The following SYNPR variants were observed in gnomAD, a reference collection of about 807,000 sequenced individuals.
The protein encoded by SYNPR is synaptoporin.
Under a neutral mutation model 32.9 loss-of-function variants are expected in SYNPR, and 23 were observed. The observed-to-expected ratio is 0.70, with a 90% CI of 0.50 to 0.99. SYNPR has a LOEUF of 0.99. Among genes scored for constraint, SYNPR ranks in the 50% least tolerant of loss-of-function variants. The pLI, the probability that SYNPR is intolerant of heterozygous loss-of-function variation, is 0.00. For missense variants in SYNPR, 318 were observed against 349.3 expected, an observed-to-expected ratio of 0.91 and a Z score of 0.71; for synonymous variants, 146 against 135.9, an observed-to-expected ratio of 1.07 and a Z score of -0.52.
At chr3:63,271,088 A>T (rs1490963439) in intron 3 of SYNPR, among the ~76,000 whole-genome samples, 3 of 145,658 alleles carry the variant, frequency 2.1e-5, no homozygotes, top group Non-Finnish European at 4.5e-5. Flanking sequence ...TTATCATTTT[A>T]ATCTGTTTTC....
intron 2 of SYNPR, among the ~76,000 whole-genome samples, chr3:63,320,522 ACTT>A (rs969016434): frequency 5.9e-5 from 9 of 152,084 alleles, no homozygotes; most frequent in African/African-American, 1.9e-4. Flanking sequence ...AGATCCAAGT[ACTT>A]CTTCTGCAGT....
chr3:63,347,546 G>A (rs144116020), intron 2 of SYNPR, among the ~76,000 whole-genome samples: 15 of 151,968 alleles, frequency 9.9e-5, no homozygotes, highest in Admixed American at 2.6e-4. Context: ...ATATTATGTC[G>A]TGCTGAAGTC....
intron 2 of SYNPR, among the ~76,000 whole-genome samples, chr3:63,259,753 A>G (rs200310677): frequency 2.6e-4 from 39 of 152,050 alleles, no homozygotes; most frequent in Non-Finnish European, 4.6e-4. Flanking sequence ...GAAATAAAGG[A>G]TATTCAATTA....
chr3:63,241,562 A>C (rs2086242984), intron 1 of SYNPR, among the ~76,000 whole-genome samples: 1 of 152,090 alleles, frequency 6.6e-6, no homozygotes, highest in Non-Finnish European at 1.5e-5. Context: ...CTTTCACTTA[A>C]AAAAAGAGAC....
At position 63,314,116 on chromosome 3, in the gene SYNPR, C is replaced by T. The variant is rs868493180; in HGVS notation, c.84+35374C>T. ...ATATATATCACAGTTTCTTTATCCA[C>T]TCATTGATTGATGGACATTTGGGTT... On this transcript the variant is annotated intron_variant, in intron 2 of 5. Coordinates refer to ENST00000478300, the MANE Select transcript of SYNPR (RefSeq NM_001130003.2). Among the ~76,000 whole-genome samples the T allele has an allele frequency of 1.3e-4, 17 of 134,546 alleles. 1 individual carries two copies. Among genetic ancestry groups the T allele is most frequent in the Non-Finnish European group, 2.5e-4 (16 of 63,864 alleles). The allele number at this position is 134,546 out of a possible 152,430, so 88.3% of individuals were successfully genotyped here.
intron 3 of SYNPR, among the ~76,000 whole-genome samples, chr3:63,509,671 A>C (rs756831231): frequency 1.5e-4 from 23 of 152,110 alleles, no homozygotes; most frequent in Non-Finnish European, 2.9e-4. Flanking sequence ...GCTAATAAAA[A>C]CTAATACTAA....
chr3:63,547,407 C>T (rs1298226565), intron 3 of SYNPR, among the ~76,000 whole-genome samples: 2 of 152,058 alleles, frequency 1.3e-5, no homozygotes, highest in African/African-American at 2.4e-5. Flanking sequence ...TTTTCTACCC[C>T]AAATAGATCC....
rs74588698 is a variant in SYNPR at position 63,241,092 on chromosome 3, G to T, written n.67-11407G>T. Among the ~76,000 whole-genome samples, 906 of 152,150 alleles carry T rather than the reference G, an allele frequency of 6.0e-3. 9 individuals carry two copies. Among genetic ancestry groups the T allele is most frequent in the East Asian group, 0.052 (267 of 5,150 alleles). On this transcript the variant is annotated intron_variant and non_coding_transcript_variant, in intron 1 of 4. Coordinates refer to the SYNPR transcript ENST00000478456. The stretch of plus-strand genomic sequence containing the variant: ...GCTGTAAGAAGGTACCCACTATCAG[G>T]ATCCACCTTCACCGTTACAGGACAG...
intron 4 of SYNPR, among the ~76,000 whole-genome samples, chr3:63,567,575 T>TG (rs1453816301): frequency 6.6e-6 from 1 of 152,212 alleles, no homozygotes; most frequent in African/African-American, 2.4e-5. Flanking sequence ...AATGTCTTGC[T>TG]CTAATACTCA....
intron 3 of SYNPR, among the ~76,000 whole-genome samples, chr3:63,550,851 G>A (rs1370532917): frequency 6.6e-6 from 1 of 152,174 alleles, no homozygotes; most frequent in Non-Finnish European, 1.5e-5. Context: ...TGGCCACCTG[G>A]CCAAGAAGAC....
intron 2 of SYNPR, among the ~76,000 whole-genome samples, chr3:63,305,402 G>A (rs926215223): frequency 6.6e-6 from 1 of 151,972 alleles, no homozygotes; most frequent in Non-Finnish European, 1.5e-5. Flanking sequence ...TCGTTACCCA[G>A]CAGTTGACAA....
intron 2 of SYNPR, among the ~76,000 whole-genome samples, chr3:63,263,787 G>C (rs924963563): frequency 3.3e-5 from 5 of 152,264 alleles, no homozygotes; most frequent in Middle Eastern, 6.8e-3. Flanking sequence ...TTAAGATATA[G>C]CAAGTGGGAG....
intron 1 of SYNPR, among the ~76,000 whole-genome samples, chr3:63,250,491 C>T (rs1044017668): frequency 6.6e-6 from 1 of 152,092 alleles, no homozygotes; most frequent in African/African-American, 2.4e-5. Flanking sequence ...AGGGAATCCT[C>T]ACACAACTTT....
intron 2 of SYNPR, among the ~76,000 whole-genome samples, chr3:63,344,680 G>A (rs1424032708): frequency 6.6e-6 from 1 of 151,246 alleles, no homozygotes. Context: ...TGCACAGATA[G>A]AGTCGATTCA....
chr3:63,257,750 T>C (rs1263722876), intron 2 of SYNPR, among the ~76,000 whole-genome samples: 1 of 152,068 alleles, frequency 6.6e-6, no homozygotes, highest in Admixed American at 6.5e-5. Context: ...GGCTAAATGC[T>C]CCAATTAAAA....
chr3:63,473,175 T>A (rs1700836540), intron 2 of SYNPR, among the ~76,000 whole-genome samples: 1 of 152,192 alleles, frequency 6.6e-6, no homozygotes, highest in Non-Finnish European at 1.5e-5. Context: ...CTTACCTGGA[T>A]AACTCAGGCC....
intron 4 of SYNPR, among the ~76,000 whole-genome samples, chr3:63,607,821 A>G (rs1700145182): frequency 6.6e-6 from 1 of 152,180 alleles, no homozygotes; most frequent in South Asian, 2.1e-4. Flanking sequence ...GCATCTATAG[A>G]GTGTAAAAGT....
intron 2 of SYNPR, among the ~76,000 whole-genome samples, chr3:63,389,892 T>C (rs2088108849): frequency 6.6e-6 from 1 of 152,208 alleles, no homozygotes; most frequent in Non-Finnish European, 1.5e-5. Flanking sequence ...TGTTAATGTA[T>C]AAATAAAAGC....
Position 63,362,191 on chromosome 3 carries a change from C to T in SYNPR, c.84+83449C>T, listed in dbSNP as rs58175431. Among the ~76,000 whole-genome samples the T allele has an allele frequency of 4.6e-5, 7 of 152,234 alleles. No homozygotes were observed. In the East Asian group the frequency reaches 5.8e-4, roughly 13 times the overall value. Reference sequence around the variant, plus strand: ...CTCACTCTGTGTCTCTGAATGTGTGCGTGAAGAAAAACTAGCCTAGCATGT... The same window carrying T: ...CTCACTCTGTGTCTCTGAATGTGTGTGTGAAGAAAAACTAGCCTAGCATGT... On this transcript the variant is annotated intron_variant, in intron 2 of 5. Transcript: ENST00000478300.
Sources: allele counts gnomAD v4.1 joint callset (sites outside exome capture counted in the v4.1 genomes callset), GRCh38; gene constraint gnomAD v4.1.1; transcripts MANE v1.5; gene names NCBI Gene and HGNC (gene_info 2026-07-23, HGNC 2026-07-21).